Variants in TULP4 observed in about 807,000 individuals in gnomAD.
TULP4 encodes the protein tubby-related protein 4.
Under a neutral mutation model 129.0 loss-of-function variants are expected in TULP4, and 16 were observed. The ratio of observed to expected loss-of-function variants is 0.12; its 90% CI spans 0.08 to 0.19. TULP4 has a LOEUF of 0.19. TULP4 is among the 10% of genes least tolerant of loss of function. The probability of loss-of-function intolerance (pLI) is 1.00; values close to 1 mark genes in which losing one functional copy is unlikely to be tolerated. For synonymous variants in TULP4, 998 were observed against 854.0 expected, an observed-to-expected ratio of 1.17 and a Z score of -2.94; for missense variants, 1,842 against 2,059.1, an observed-to-expected ratio of 0.89 and a Z score of 2.04.
chr6:158,332,182 AAAAAAAAAAAAAAAAAAAATAT>A (rs1425135020), intron 1 of TULP4, among the ~76,000 whole-genome samples: 2 of 85,906 alleles, frequency 2.3e-5, no homozygotes, highest in Non-Finnish European at 4.3e-5. Flanking sequence ...AAAAAAAAAA[AAAAAAAAAAAAAAAAAAAATAT>A]ATATATATAT....
chr6:158,242,216 C>T, intron 1 of TULP4: 1 of 1,490,850 alleles, frequency 6.7e-7, no homozygotes, highest in South Asian at 1.1e-5. Flanking sequence ...TGGCAAAGAC[C>T]TTCAGCTTTT....
chr6:158,368,066 C>CCAAA, intron 1 of TULP4, among the ~76,000 whole-genome samples: 1 of 65,010 alleles, frequency 1.5e-5, no homozygotes. Context: ...ACCCTGTCTC[C>CCAAA]AAAAAAAAAA....
chr6:158,351,429 T>A (rs1780516934), intron 1 of TULP4, among the ~76,000 whole-genome samples: 1 of 152,128 alleles, frequency 6.6e-6, no homozygotes. Flanking sequence ...CAGCAACCCG[T>A]TTTTGCAAAT....
At chr6:158,389,891 A>T (rs1777544146) in intron 1 of TULP4, among the ~76,000 whole-genome samples, 1 of 152,152 alleles carries the variant, frequency 6.6e-6, no homozygotes, top group African/African-American at 2.4e-5. Flanking sequence ...CGGGTGGATC[A>T]CCTGAGGTCA....
chr6:158,382,445 G>A (rs1777351651), intron 1 of TULP4, among the ~76,000 whole-genome samples: 1 of 152,178 alleles, frequency 6.6e-6, no homozygotes, highest in Admixed American at 6.5e-5. Flanking sequence ...CTTCCTCCAA[G>A]TGGATAATGA....
At chr6:158,243,424 CGTGT>C (rs370737011) in intron 1 of TULP4, among the ~76,000 whole-genome samples, 1 of 148,486 alleles carries the variant, frequency 6.7e-6, no homozygotes, top group Non-Finnish European at 1.5e-5. Context: ...TGGGCGTGTA[CGTGT>C]GTGTGTGTGT....
At chr6:158,337,105 TTTCTC>T (rs1256504834) in intron 1 of TULP4, among the ~76,000 whole-genome samples, 16 of 146,730 alleles carry the variant, frequency 1.1e-4, no homozygotes, top group Admixed American at 4.2e-4. Flanking sequence ...TCTCTCTTTT[TTTCTC>T]TCTCTCTCTT....
chr6:158,425,455 G>T (rs1778460413), intron 2 of TULP4, among the ~76,000 whole-genome samples: 1 of 148,740 alleles, frequency 6.7e-6, no homozygotes, highest in Non-Finnish European at 1.5e-5. Flanking sequence ...GGAGGTTGTG[G>T]TGAGCTGTGA....
At chr6:158,403,694 GA>G (rs2114986102) in intron 1 of TULP4, among the ~76,000 whole-genome samples, 1 of 152,278 alleles carries the variant, frequency 6.6e-6, no homozygotes, top group Admixed American at 6.5e-5. Flanking sequence ...GAAACCCTGG[GA>G]CATTTCTAAT....
intron 3 of TULP4, among the ~76,000 whole-genome samples, chr6:158,430,930 T>C (rs944158638): frequency 2.6e-5 from 4 of 151,906 alleles, no homozygotes; most frequent in Admixed American, 2.0e-4. Context: ...TTTGAGCCAC[T>C]TTTTTTTAAC....
intron 1 of TULP4, among the ~76,000 whole-genome samples, chr6:158,405,847 C>T (rs705945): frequency 0.69 from 104,893 of 152,138 alleles, 36,739 homozygotes; most frequent in Middle Eastern, 0.76. Context: ...CGTCTCCCAA[C>T]ACACACCACC....
At chr6:158,395,852 G>T (rs1008772174) in intron 1 of TULP4, among the ~76,000 whole-genome samples, 1 of 151,764 alleles carries the variant, frequency 6.6e-6, no homozygotes, top group African/African-American at 2.4e-5. Context: ...TTAGAAGTCT[G>T]TCATTTTTCA....
At chr6:158,349,140 C>T (rs188892114) in intron 1 of TULP4, among the ~76,000 whole-genome samples, 178 of 145,616 alleles carry the variant, frequency 1.2e-3, no homozygotes, top group African/African-American at 4.3e-3. Flanking sequence ...GATGGGGCAG[C>T]TGGGCAGATA....
upstream of TULP4, among the ~76,000 whole-genome samples, chr6:158,309,828 A>G (rs1779306927): frequency 6.8e-6 from 1 of 147,654 alleles, no homozygotes; most frequent in Non-Finnish European, 1.5e-5. Context: ...CAGTGAGCCG[A>G]GATGGCAGAA....
At position 158,502,029 on chromosome 6, in the gene TULP4, G is replaced by C; in HGVS notation, c.2366G>C (p.Gly789Ala). The change falls in exon 13 of 14, where the codon GGC becomes GCC. Residue 789 changes from glycine (G) to alanine (A), a missense_variant. Physicochemically the swap from Gly to Ala is moderately conservative, Grantham distance 60. Around this residue, in one of 5 missense-constraint regions of TULP4, gnomAD observed 1,089 missense variants for 987.1 expected, o/e 1.10. Transcript: ENST00000367097. ...PQGPMQLSTVGHGDRDHEHLQ... is the reference protein window; with the variant it reads ...PQGPMQLSTVAHGDRDHEHLQ... ...GGGCCCATGCAGCTGTCCACGGTGG[G>C]CCATGGAGACCGAGACCACGAACAC... 6.2e-7 allele frequency: 1 copy of C among 1,613,726 alleles called. No individual in the cohort carries two copies. The highest frequency in any genetic ancestry group is 8.5e-7 in the Non-Finnish European group (1 of 1,179,932).
At chr6:158,365,085 A>C (rs576755838) in intron 1 of TULP4, among the ~76,000 whole-genome samples, 2 of 151,790 alleles carry the variant, frequency 1.3e-5, no homozygotes, top group Non-Finnish European at 2.9e-5. Context: ...GCGAGCTTTC[A>C]GAATTGAGAT....
intron 6 of TULP4, among the ~76,000 whole-genome samples, chr6:158,462,262 G>A (rs1779445491): frequency 6.6e-6 from 1 of 151,940 alleles, no homozygotes; most frequent in Non-Finnish European, 1.5e-5. Flanking sequence ...TATTCATTCT[G>A]CAGATTTAAG....
rs1779095614 is a variant in TULP4, at chr6:158,299,420, C to T, written n.117-12631C>T. On this transcript the variant is annotated intron_variant and non_coding_transcript_variant, in intron 1 of 1. Transcript: ENST00000432358. ...AGATGGGCCCTCAAAATTTTTAGGA[C>T]ATGGTTTTCCTACAGGTTTATATTG... Among the ~76,000 whole-genome samples the T allele has an allele frequency of 2.0e-5, 3 of 152,186 alleles. No homozygotes were observed. In the South Asian group the frequency reaches 6.2e-4, roughly 32 times the overall value.
intron 3 of TULP4, among the ~76,000 whole-genome samples, chr6:158,448,407 T>C (rs1244190573): frequency 6.6e-6 from 1 of 152,180 alleles, no homozygotes; most frequent in Non-Finnish European, 1.5e-5. Context: ...ATACCATGAC[T>C]ACATCCTTAA....
Sources: gnomAD v4.1 joint callset for allele counts (sites outside exome capture counted in the v4.1 genomes callset) on GRCh38, gnomAD v4.1.1 for gene constraint, gnomAD v4.1.1 regional missense constraint, MANE v1.5 for transcripts, NCBI Gene and HGNC (gene_info 2026-07-23, HGNC 2026-07-21) for gene names.